The following RBFOX3 variants were observed in gnomAD, a reference collection of about 807,000 sequenced individuals.
RBFOX3 encodes RNA binding protein fox-1 homolog 3.
RBFOX3 carries 17 observed loss-of-function variants against 48.7 expected under a neutral mutation model. The ratio of observed to expected loss-of-function variants is 0.35; its 90% CI spans 0.24 to 0.52. The LOEUF (loss-of-function observed/expected upper bound fraction) is 0.52, where lower values mean the gene tolerates loss of function less well. Among genes scored for constraint, RBFOX3 ranks in the 20% least tolerant of loss-of-function variants. The pLI is 0.94. For synonymous variants in RBFOX3, 212 were observed against 209.5 expected, an observed-to-expected ratio of 1.01 and a Z score of -0.10; for missense variants, 382 against 497.5, an observed-to-expected ratio of 0.77 and a Z score of 2.21.
intron 3 of RBFOX3, among the ~76,000 whole-genome samples, chr17:79,271,583 G>A (rs2067712540): frequency 6.6e-6 from 1 of 152,200 alleles, no homozygotes; most frequent in South Asian, 2.1e-4. Context: ...GGCAGAGGAT[G>A]CCTGGGCCAT....
At chr17:79,172,788 C>T (rs2049631850) in intron 4 of RBFOX3, among the ~76,000 whole-genome samples, 1 of 152,198 alleles carries the variant, frequency 6.6e-6, no homozygotes, top group African/African-American at 2.4e-5. Context: ...AGTACAGACA[C>T]AAGAATGTTA....
intron 4 of RBFOX3, among the ~76,000 whole-genome samples, chr17:79,223,662 C>T (rs1374192363): frequency 6.6e-6 from 1 of 152,120 alleles, no homozygotes; most frequent in Non-Finnish European, 1.5e-5. Flanking sequence ...AGAACGCCAG[C>T]AGCTATGAAT....
At chr17:79,306,727 A>C (rs537479223) in intron 3 of RBFOX3, among the ~76,000 whole-genome samples, 34 of 152,280 alleles carry the variant, frequency 2.2e-4, no homozygotes, top group African/African-American at 7.7e-4. Flanking sequence ...GGCTGCCCAG[A>C]TACCAACAGC....
intron 2 of RBFOX3, among the ~76,000 whole-genome samples, chr17:79,356,733 A>T (rs1297395906): frequency 6.6e-6 from 1 of 151,866 alleles, no homozygotes; most frequent in African/African-American, 2.4e-5. Context: ...GTGAATAACT[A>T]TTTGGGAAAT....
the RBFOX3 span, among the ~76,000 whole-genome samples, chr17:79,620,622 C>T: frequency 1.0e-5 from 1 of 98,734 alleles, no homozygotes; most frequent in East Asian, 3.2e-4. Flanking sequence ...CACACACGCA[C>T]ATGCACACAC....
chr17:79,155,179 G>A (rs1371359181), intron 4 of RBFOX3, among the ~76,000 whole-genome samples: 3 of 152,258 alleles, frequency 2.0e-5, no homozygotes, highest in South Asian at 2.1e-4. Flanking sequence ...CCCGCCCGGG[G>A]CTCTGTGCCT....
intron 1 of RBFOX3, among the ~76,000 whole-genome samples, chr17:79,552,701 A>C (rs1459523618): frequency 6.6e-6 from 1 of 152,210 alleles, no homozygotes; most frequent in African/African-American, 2.4e-5. Flanking sequence ...GAGGTGTAAA[A>C]AATGTTCTTC....
upstream of RBFOX3, among the ~76,000 whole-genome samples, chr17:79,612,866 C>G (rs1599294440): frequency 6.6e-6 from 1 of 152,348 alleles, no homozygotes; most frequent in East Asian, 1.9e-4. Context: ...GGGCTCTTGC[C>G]TCGCTGTGCC....
chr17:79,156,568 C>A (rs1024814928), intron 4 of RBFOX3, among the ~76,000 whole-genome samples: 1 of 152,186 alleles, frequency 6.6e-6, no homozygotes, highest in African/African-American at 2.4e-5. Context: ...ACCAGGGATA[C>A]GCACAATTCA....
chr17:79,094,202 T>C (rs890051094), intron 14 of RBFOX3: 106 of 428,970 alleles, frequency 2.5e-4, no homozygotes, highest in African/African-American at 2.0e-3. Flanking sequence ...ATCAGGCACA[T>C]TGGGGTGCTT....
At chr17:79,207,423 G>C (rs117751342) in intron 4 of RBFOX3, among the ~76,000 whole-genome samples, 1 of 152,236 alleles carries the variant, frequency 6.6e-6, no homozygotes, top group East Asian at 1.9e-4. Context: ...AGGGAGCTAC[G>C]GTCAGAGGTG....
At chr17:79,601,197 G>A (rs1283372151) in intron 1 of RBFOX3, 1 of 152,266 alleles carries the variant, frequency 6.6e-6, no homozygotes, top group African/African-American at 2.4e-5. Context: ...GACCCTCAGG[G>A]AGTCTTGGCA....
the RBFOX3 span, among the ~76,000 whole-genome samples, chr17:79,656,997 C>A: frequency 2.0e-5 from 3 of 152,072 alleles, no homozygotes; most frequent in Non-Finnish European, 4.4e-5. Flanking sequence ...GACCTCTGTT[C>A]CTGTTGCATC....
the RBFOX3 span, among the ~76,000 whole-genome samples, chr17:79,620,181 ACATGTG>A: frequency 7.1e-6 from 1 of 140,478 alleles, no homozygotes; most frequent in Non-Finnish European, 1.5e-5. Context: ...ACATGCACAC[ACATGTG>A]CACATGCACA....
At chr17:79,257,934 G>A (rs1473436797) in intron 3 of RBFOX3, among the ~76,000 whole-genome samples, 1 of 152,092 alleles carries the variant, frequency 6.6e-6, no homozygotes, top group Non-Finnish European at 1.5e-5. Flanking sequence ...AAGCAATGAT[G>A]GTACATTTTT....
chr17:79,144,791 G>A (rs986911583), intron 4 of RBFOX3, among the ~76,000 whole-genome samples: 2 of 152,206 alleles, frequency 1.3e-5, no homozygotes, highest in East Asian at 1.9e-4. Flanking sequence ...CAGAGCTCAG[G>A]TGCCAAAGAC....
At chr17:79,499,370 C>T (rs1307833849) in intron 1 of RBFOX3, among the ~76,000 whole-genome samples, 2 of 152,086 alleles carry the variant, frequency 1.3e-5, no homozygotes, top group Non-Finnish European at 2.9e-5. Context: ...ATCCATCCAT[C>T]CATCCATCCA....
chr17:79,387,934 A>G (rs2060790672), intron 2 of RBFOX3, among the ~76,000 whole-genome samples: 1 of 151,990 alleles, frequency 6.6e-6, no homozygotes, highest in African/African-American at 2.4e-5. Flanking sequence ...ATGCGTGTGC[A>G]TGTGTACATG....
intron 4 of RBFOX3, among the ~76,000 whole-genome samples, chr17:79,177,507 G>T (rs868483243): frequency 1.3e-5 from 2 of 152,158 alleles, no homozygotes; most frequent in Non-Finnish European, 2.9e-5. Context: ...CCAGCATGCC[G>T]AATGGCCGTC....
Sources: allele counts gnomAD v4.1 joint callset (sites outside exome capture counted in the v4.1 genomes callset), GRCh38; gene constraint gnomAD v4.1.1; transcripts MANE v1.5; gene names NCBI Gene and HGNC (gene_info 2026-07-23, HGNC 2026-07-21).